Variants in PRKN observed in about 807,000 individuals in gnomAD.
PRKN encodes parkin RBR E3 ubiquitin protein ligase.
PRKN carries 56 observed loss-of-function variants against 59.5 expected under a neutral mutation model. That is an observed-to-expected ratio of 0.94 (90% CI 0.76 to 1.18). The LOEUF (loss-of-function observed/expected upper bound fraction) is 1.18. PRKN is among the 50% of genes most tolerant of loss of function. PRKN has a pLI of 0.00. For missense variants in PRKN, 657 were observed against 596.4 expected, an observed-to-expected ratio of 1.10 and a Z score of -1.06; for synonymous variants, 250 against 222.1, an observed-to-expected ratio of 1.13 and a Z score of -1.12.
At chr6:162,260,924 T>C (rs368982108) in intron 3 of PRKN, among the ~76,000 whole-genome samples, 1 of 152,196 alleles carries the variant, frequency 6.6e-6, no homozygotes, top group East Asian at 1.9e-4. Context: ...ATAGTAAATA[T>C]AGGGTTTGGT....
At chr6:161,987,983 C>T (rs770868200) in intron 5 of PRKN, among the ~76,000 whole-genome samples, 5 of 152,070 alleles carry the variant, frequency 3.3e-5, no homozygotes, top group Admixed American at 6.5e-5. Flanking sequence ...TTAGAGTGAA[C>T]GATGCTCCCT....
At chr6:162,700,803 A>G (rs1778126259) in intron 1 of PRKN, among the ~76,000 whole-genome samples, 1 of 152,080 alleles carries the variant, frequency 6.6e-6, no homozygotes, top group Non-Finnish European at 1.5e-5. Flanking sequence ...TCAACTTAAA[A>G]AAGCACTATA....
At chr6:161,959,916 T>C (rs567457975) in intron 6 of PRKN, among the ~76,000 whole-genome samples, 2 of 152,308 alleles carry the variant, frequency 1.3e-5, no homozygotes, top group East Asian at 3.9e-4. Flanking sequence ...AAATCGGTGG[T>C]GGGTTCAGGA....
intron 2 of PRKN, among the ~76,000 whole-genome samples, chr6:162,406,731 T>C (rs1198652573): frequency 6.6e-6 from 1 of 152,066 alleles, no homozygotes; most frequent in Non-Finnish European, 1.5e-5. Flanking sequence ...TTGAGGTAGG[T>C]AGCAAAGTCA....
chr6:162,432,780 A>G (rs1789599457), intron 2 of PRKN, among the ~76,000 whole-genome samples: 1 of 152,128 alleles, frequency 6.6e-6, no homozygotes, highest in Admixed American at 6.5e-5. Flanking sequence ...TCTATTTTAC[A>G]TTCAAGCGAC....
At chr6:162,725,792 T>C (rs1584127651) in intron 1 of PRKN, among the ~76,000 whole-genome samples, 1 of 149,308 alleles carries the variant, frequency 6.7e-6, no homozygotes, top group Non-Finnish European at 1.5e-5. Context: ...AAAAAAGACG[T>C]GTGTCTAATT....
At chr6:162,418,204 A>T (rs1296169577) in intron 2 of PRKN, among the ~76,000 whole-genome samples, 4 of 152,224 alleles carry the variant, frequency 2.6e-5, no homozygotes, top group African/African-American at 9.6e-5. Context: ...TCATGCTATG[A>T]CATAGATGAA....
rs916671415 is a variant in PRKN, at chr6:162,591,324, A to G, written c.7+136338T>C. On this transcript the variant is annotated intron_variant, in intron 1 of 11. Coordinates refer to ENST00000366898, the MANE Select transcript of PRKN (RefSeq NM_004562.3). ...GCCACATGTCGTGTTCTGCTTTGCT[A>G]AGTGCTGAGTATCCTCTTCTTAATT... 2.6e-5 allele frequency among the ~76,000 whole-genome samples: 4 copies of G among 151,986 alleles called. No homozygotes were observed. In the East Asian group the frequency reaches 7.8e-4, roughly 30 times the overall value.
At chr6:162,322,500 T>C (rs1273470743) in intron 2 of PRKN, among the ~76,000 whole-genome samples, 1 of 152,070 alleles carries the variant, frequency 6.6e-6, no homozygotes, top group Non-Finnish European at 1.5e-5. Context: ...GAAAATGTAG[T>C]ACAAAATTAA....
chr6:162,700,833 A>T (rs927041094), intron 1 of PRKN, among the ~76,000 whole-genome samples: 1 of 152,082 alleles, frequency 6.6e-6, no homozygotes. Context: ...TTATAGTATT[A>T]AAAATACTAT....
At chr6:162,438,182 T>C (rs189095174) in intron 2 of PRKN, among the ~76,000 whole-genome samples, 2 of 152,310 alleles carry the variant, frequency 1.3e-5, no homozygotes, top group African/African-American at 4.8e-5. Flanking sequence ...TCTACTGCAG[T>C]TGCTATTTTG....
At position 161,376,551 on chromosome 6, in the gene PRKN, C is replaced by T. The variant is rs1338689094; in HGVS notation, c.1167+10243G>A. ...TCCTCTGTATTCCCTGGCCGGATTC[C>T]TGGTGCCTGGTGTGTCTCTGGTTTG... On this transcript the variant is annotated intron_variant, in intron 10 of 11. Coordinates refer to ENST00000366898, the MANE Select transcript of PRKN (RefSeq NM_004562.3). The surrounding 1 kb of genome is among the most constrained non-coding windows in gnomAD (Gnocchi z 7.3). Among the ~76,000 whole-genome samples the T allele has an allele frequency of 6.6e-6, 1 of 152,204 alleles. No individual in the cohort carries two copies. Among genetic ancestry groups the T allele is most frequent in the African/African-American group, 2.4e-5 (1 of 41,458 alleles).
chr6:161,736,970 A>C (rs1787990026), intron 7 of PRKN, among the ~76,000 whole-genome samples: 3 of 152,220 alleles, frequency 2.0e-5, no homozygotes, highest in Admixed American at 2.0e-4. Context: ...CGGAGCTCAC[A>C]GTCTGACCAA....
intron 8 of PRKN, 58 bp downstream of exon 8, chr6:161,569,297 T>C: frequency 3.3e-6 from 5 of 1,514,534 alleles, no homozygotes; most frequent in Non-Finnish European, 4.6e-6. Context: ...GCCCAAACTG[T>C]CTCATTAGCG....
intron 9 of PRKN, among the ~76,000 whole-genome samples, chr6:161,512,487 G>A (rs1778429705): frequency 6.6e-6 from 1 of 152,210 alleles, no homozygotes; most frequent in Non-Finnish European, 1.5e-5. Flanking sequence ...CGTTGGTAGG[G>A]ATGACACCTT....
intron 8 of PRKN, among the ~76,000 whole-genome samples, chr6:161,563,591 A>C (rs533231501): frequency 1.3e-4 from 20 of 152,368 alleles, no homozygotes; most frequent in African/African-American, 4.8e-4. Context: ...AAATCAGAGA[A>C]GGGGCTAAGA....
intron 2 of PRKN, among the ~76,000 whole-genome samples, chr6:162,286,535 T>C (rs1467336376): frequency 6.6e-6 from 1 of 152,188 alleles, no homozygotes; most frequent in Non-Finnish European, 1.5e-5. Flanking sequence ...GGGATTAGCA[T>C]AAGCAGAGGT....
At chr6:162,475,129 CT>C (rs1791939688) in intron 1 of PRKN, among the ~76,000 whole-genome samples, 1 of 152,050 alleles carries the variant, frequency 6.6e-6, no homozygotes. Flanking sequence ...TGATGAATAG[CT>C]TTCAGTCTAT....
At chr6:162,416,760 A>C (rs1351673435) in intron 2 of PRKN, among the ~76,000 whole-genome samples, 6 of 152,188 alleles carry the variant, frequency 3.9e-5, no homozygotes, top group Non-Finnish European at 8.8e-5. Context: ...AATATTTTAC[A>C]TTTCTACAAA....
Sources: gnomAD v4.1 joint callset for allele counts (sites outside exome capture counted in the v4.1 genomes callset) on GRCh38, gnomAD v4.1.1 for gene constraint, Gnocchi (gnomAD v3.1) non-coding constraint, MANE v1.5 for transcripts, NCBI Gene and HGNC (gene_info 2026-07-23, HGNC 2026-07-21) for gene names.